The following CDH4 variants were observed in gnomAD, a reference collection of about 807,000 sequenced individuals.
The protein encoded by CDH4 is cadherin 4.
A neutral mutation model predicts 86.0 loss-of-function variants in CDH4; 33 were observed. That is an observed-to-expected ratio of 0.38 (90% CI 0.29 to 0.51). The LOEUF (loss-of-function observed/expected upper bound fraction) is 0.51, where lower values mean the gene tolerates loss of function less well. Ranked by LOEUF, CDH4 falls within the 20% of genes least tolerant of loss-of-function variation. The probability of loss-of-function intolerance (pLI) is 0.86; values close to 1 mark genes in which losing one functional copy is unlikely to be tolerated. For missense variants in CDH4, 1,114 were observed against 1,307.4 expected, an observed-to-expected ratio of 0.85 and a Z score of 2.28; for synonymous variants, 555 against 549.4, an observed-to-expected ratio of 1.01 and a Z score of -0.14.
At chr20:61,475,701 C>A (rs538871176) in intron 2 of CDH4, among the ~76,000 whole-genome samples, 4 of 135,134 alleles carry the variant, frequency 3.0e-5, no homozygotes, top group Middle Eastern at 3.5e-3. Context: ...CTCCCTACCC[C>A]ACAACTGTGG....
At position 61,928,443 on chromosome 20, in the gene CDH4, C is replaced by T. The variant is rs193207820; in HGVS notation, c.2005+20C>T. The T allele has an allele frequency of 1.7e-4, 275 of 1,604,954 alleles. No homozygotes were observed. The East Asian group carries it at 3.2e-3, about 19-fold the overall frequency. On this transcript the variant is annotated intron_variant, in intron 12 of 15. Transcript: ENST00000614565. ...TGAACGGTGAGCCCGCCTTAGGCCA[C>T]GGGGAGGGTCAGACTAGCCTGGGGT...
At chr20:61,891,489 C>G (rs1810788691) in intron 7 of CDH4, among the ~76,000 whole-genome samples, 1 of 152,260 alleles carries the variant, frequency 6.6e-6, no homozygotes. Context: ...CTCCAGGTGA[C>G]TGATCTGCTG....
intron 2 of CDH4, among the ~76,000 whole-genome samples, chr20:61,415,197 C>G (rs1468902110): frequency 6.6e-6 from 1 of 152,190 alleles, no homozygotes; most frequent in South Asian, 2.1e-4. Flanking sequence ...TCTCTGCCCC[C>G]CTACCCCAGA....
Position 61,582,161 on chromosome 20 carries a change from C to T in CDH4, c.170-161402C>T, listed in dbSNP as rs756529528. On this transcript the variant is annotated intron_variant, in intron 2 of 15. Coordinates refer to ENST00000614565, the MANE Select transcript of CDH4 (RefSeq NM_001794.5). The surrounding 1 kb of genome is among the most constrained non-coding windows in gnomAD (Gnocchi z 4.2). Reference sequence around the variant, plus strand: ...TGCCTTGTGTGTGCACGGAGACTTTCCTGTCCACCTGCCCCTCCCTGGTCA... The same window carrying T: ...TGCCTTGTGTGTGCACGGAGACTTTTCTGTCCACCTGCCCCTCCCTGGTCA... Among the ~76,000 whole-genome samples the T allele has an allele frequency of 6.6e-6, 1 of 152,244 alleles. No homozygotes were observed. Among genetic ancestry groups the T allele is most frequent in the African/African-American group, 2.4e-5 (1 of 41,470 alleles).
intron 15 of CDH4, among the ~76,000 whole-genome samples, chr20:61,934,723 C>G (rs113148429): frequency 3.4e-5 from 5 of 146,922 alleles, no homozygotes; most frequent in Admixed American, 6.7e-5. Flanking sequence ...ACTTGCCCCC[C>G]CTCCCCACCC....
chr20:61,738,548 G>C (rs2088293454), intron 2 of CDH4: 2 of 152,282 alleles, frequency 1.3e-5, no homozygotes, highest in African/African-American at 4.8e-5. Flanking sequence ...TTCTGAGGCA[G>C]AGGTGGGGGC....
intron 2 of CDH4, among the ~76,000 whole-genome samples, chr20:61,260,835 G>A (rs1409284862): frequency 6.6e-6 from 1 of 152,172 alleles, no homozygotes; most frequent in Non-Finnish European, 1.5e-5. Context: ...TGGTCCCAGG[G>A]TTAAGAGGTT....
At chr20:61,565,233 G>GTGGTGGTCCTCTTGGTGATGGGGTGA (rs2086270905) in intron 2 of CDH4, among the ~76,000 whole-genome samples, 2 of 46,744 alleles carry the variant, frequency 4.3e-5, no homozygotes, top group Non-Finnish European at 4.1e-5. Context: ...GGTGGTGGTG[G>GTGGTGGTCCTCTTGGTGATGGGGTGA]TGGTGGTGGC....
chr20:61,515,282 C>T (rs778421600), intron 2 of CDH4, among the ~76,000 whole-genome samples: 1 of 152,248 alleles, frequency 6.6e-6, no homozygotes. Context: ...GCCTGGGAAC[C>T]TGCGGTGAGC....
intron 2 of CDH4, among the ~76,000 whole-genome samples, chr20:61,642,582 G>A (rs1568729535): frequency 6.6e-6 from 1 of 152,144 alleles, no homozygotes; most frequent in African/African-American, 2.4e-5. Context: ...GACACGAACC[G>A]CATGATCCTT....
chr20:61,333,017 T>C (rs1305711181), intron 2 of CDH4, among the ~76,000 whole-genome samples: 1 of 152,236 alleles, frequency 6.6e-6, no homozygotes, highest in Admixed American at 6.5e-5. Flanking sequence ...GTCTTTATTT[T>C]TGGACCAAAC....
chr20:61,891,059 C>T (rs1372471482), intron 7 of CDH4, among the ~76,000 whole-genome samples: 1 of 151,946 alleles, frequency 6.6e-6, no homozygotes, highest in Non-Finnish European at 1.5e-5. Flanking sequence ...TGGGGTCTCA[C>T]CAGCGGAAGG....
intron 14 of CDH4, among the ~76,000 whole-genome samples, chr20:61,933,400 G>C (rs1453706325): frequency 6.6e-6 from 1 of 152,190 alleles, no homozygotes; most frequent in African/African-American, 2.4e-5. Flanking sequence ...TGGAGGGGAG[G>C]GGGCTCCGGG....
chr20:61,434,082 CG>C (rs774469535), intron 2 of CDH4, among the ~76,000 whole-genome samples: 1 of 152,126 alleles, frequency 6.6e-6, no homozygotes, highest in Non-Finnish European at 1.5e-5. Flanking sequence ...CCACTGGCTT[CG>C]TTCTTGGGGC....
intron 2 of CDH4, among the ~76,000 whole-genome samples, chr20:61,564,252 A>C (rs2086244696): frequency 6.6e-6 from 1 of 152,024 alleles, no homozygotes; most frequent in Admixed American, 6.6e-5. Context: ...TGAATTTGGG[A>C]GGGGGCACTG....
intron 2 of CDH4, among the ~76,000 whole-genome samples, chr20:61,475,823 ACAC>A (rs1159687868): frequency 5.3e-5 from 8 of 151,464 alleles, no homozygotes; most frequent in Non-Finnish European, 2.9e-5. Flanking sequence ...CTACAAATGA[ACAC>A]CACTTGTGAG....
At chr20:61,578,524 A>G (rs2086401807) in intron 2 of CDH4, among the ~76,000 whole-genome samples, 1 of 152,202 alleles carries the variant, frequency 6.6e-6, no homozygotes, top group South Asian at 2.1e-4. Flanking sequence ...AGAAGAAAAC[A>G]TCTCTACAGC....
chr20:61,483,210 C>T lies in CDH4; in HGVS notation c.169+228273C>T, dbSNP rs192244511. Among the ~76,000 whole-genome samples, 147 of 152,260 alleles carry T rather than the reference C, an allele frequency of 9.7e-4. 1 individual carries two copies. The highest frequency in any genetic ancestry group is 3.3e-3 in the African/African-American group (138 of 41,552). On this transcript the variant is annotated intron_variant, in intron 2 of 15. Transcript: ENST00000614565. ...ATGAAAAGAGAGAGTGCTTGAGCTA[C>T]CCTTGAGAGGAGAGAGAGTGGTTTA...
intron 2 of CDH4, among the ~76,000 whole-genome samples, chr20:61,375,232 A>G (rs920350003): frequency 6.6e-6 from 1 of 152,196 alleles, no homozygotes; most frequent in African/African-American, 2.4e-5. Context: ...TCTTTTTGTC[A>G]ACATAGGAGT....
Sources: allele counts gnomAD v4.1 joint callset (sites outside exome capture counted in the v4.1 genomes callset), GRCh38; gene constraint gnomAD v4.1.1; non-coding constraint Gnocchi (gnomAD v3.1); transcripts MANE v1.5; gene names NCBI Gene and HGNC (gene_info 2026-07-23, HGNC 2026-07-21).